Variants in TRO observed in about 807,000 individuals in gnomAD.
TRO encodes MAGE superfamily protein.
A neutral mutation model predicts 42.3 loss-of-function variants in TRO; 29 were observed. The ratio of observed to expected loss-of-function variants is 0.68; its 90% CI spans 0.51 to 0.93. TRO has a LOEUF of 0.93. Ranked by LOEUF, TRO falls within the 40% of genes least tolerant of loss-of-function variation. The pLI is 0.00. For missense variants in TRO, 963 were observed against 1,127.7 expected (o/e 0.85, Z 2.09); for synonymous variants, 384 against 425.2 (o/e 0.90, Z 1.19).
Position 54,927,796 on chromosome X carries a change from G to C in TRO, c.1878+15G>C. 8.4e-7 allele frequency: 1 copy of C among 1,189,813 alleles called. No individual in the cohort carries two copies. The highest frequency in any genetic ancestry group is 1.1e-6 in the Non-Finnish European group (1 of 878,490). The stretch of plus-strand genomic sequence containing the variant: ...TTGCATGCAGGGTAAGAGGAGAGCT[G>C]CCCGAGCTTGGCATATTAAGGCAAT... On this transcript the variant is annotated intron_variant, in intron 11 of 12. Coordinates refer to ENST00000173898, the MANE Select transcript of TRO (RefSeq NM_001039705.3).
Position 54,928,671 on chromosome X carries a change from T to C in TRO, c.1947T>C (p.Ala649=), listed in dbSNP as rs1405386949. The change falls in exon 12 of 13, where the codon GCT becomes GCC. Residue 649 remains alanine (A), a synonymous_variant. Transcript: ENST00000173898. ...AGGCAGTGGAGATGGAAGTCCAAGC[T>C]GCAGCTGTGGCTGTGGCTGAGGCTG... The part of the protein sequence containing the change: ...YREAVEMEVQ[A]AAVAVAEAEA... 1 of 1,202,826 alleles carries C rather than the reference T, an allele frequency of 8.3e-7. No individual in the cohort carries two copies. The highest frequency in any genetic ancestry group is 1.1e-6 in the Non-Finnish European group (1 of 891,050).
intron 2 of TRO, 41 bp from the exon 3 acceptor site, chrX:54,922,537 G>A: frequency 8.7e-7 from 1 of 1,149,318 alleles, no homozygotes; most frequent in Non-Finnish European, 1.2e-6. Flanking sequence ...GGGCTTTAGC[G>A]AGGCCAAATG....
intron 9 of TRO, 22 bp from the exon 10 acceptor site, chrX:54,927,021 G>A: frequency 2.5e-6 from 3 of 1,210,480 alleles, no homozygotes; most frequent in Non-Finnish European, 3.4e-6. Context: ...CTGTGTTCAT[G>A]GGTTATTTTT....
chrX:54,924,744 A>G lies in TRO; in HGVS notation c.1405+11A>G, dbSNP rs750787642. ...CCATCAAACGCTCAGGTAGTGTCCT[A>G]CCAACCCTCCTCCTTGAGCTCTCCT... is the stretch of plus-strand genomic sequence containing the variant. On this transcript the variant is annotated intron_variant, in intron 5 of 12. Coordinates refer to ENST00000173898, the MANE Select transcript of TRO (RefSeq NM_001039705.3). 2.5e-6 allele frequency: 3 copies of G among 1,206,692 alleles called. No individual in the cohort carries two copies. Among genetic ancestry groups the G allele is most frequent in the Admixed American group, 4.4e-5 (2 of 45,784 alleles).
At position 54,922,576 on chromosome X, in the gene TRO, A is replaced by T. The variant is rs774092110; in HGVS notation, c.46-2A>T. Reference sequence around the variant, plus strand: ...CAGAGGATGGTAATCCTAAGTGTGTAGGGCCCTCTGCCTCCCCCGGGGAGC... The same window carrying T: ...CAGAGGATGGTAATCCTAAGTGTGTTGGGCCCTCTGCCTCCCCCGGGGAGC... On this transcript the variant is annotated splice_acceptor_variant, in intron 2 of 12. Transcript: ENST00000173898. LOFTEE classifies it high-confidence loss of function. 1 of 1,204,991 alleles carries T rather than the reference A, an allele frequency of 8.3e-7. No individual in the cohort carries two copies. Among genetic ancestry groups the T allele is most frequent in the East Asian group, 3.0e-5 (1 of 33,767 alleles).
rs1406485161 is a variant in TRO, at chrX:54,923,536, T to C, written c.1004T>C (p.Leu335Pro). The C allele has an allele frequency of 8.4e-7, 1 of 1,189,229 alleles. No homozygotes were observed. The highest frequency in any genetic ancestry group is 2.3e-5 in the Admixed American group (1 of 42,655). The change falls in exon 3 of 13, where the codon CTG (leucine) becomes CCG (proline). Residue 335 changes from leucine (L) to proline (P), a missense_variant. Around this residue, in one of 2 missense-constraint regions of TRO, gnomAD observed 322 missense variants for 316.5 expected, o/e 1.02. Coordinates refer to ENST00000173898, the MANE Select transcript of TRO (RefSeq NM_001039705.3). ...ACAAACCAAGCCCTGGCAGCCACCC[T>C]GCGGGTCAAGAGAGGGTCTAGGGCT... ...IVTNQALAAT[L>P]RVKRGSRARK... is the part of the protein sequence containing the mutation.
chrX:54,929,712 T>C lies in TRO; in HGVS notation c.2988T>C (p.Ser996=). 8.3e-7 allele frequency: 1 copy of C among 1,210,505 alleles called. No homozygotes were observed. The highest frequency in any genetic ancestry group is 1.1e-6 in the Non-Finnish European group (1 of 895,057). Residue 996 remains serine, a synonymous_variant, in exon 12 of 13, where the codon AGT becomes AGC. Coordinates refer to ENST00000173898, the MANE Select transcript of TRO (RefSeq NM_001039705.3). The part of the protein sequence containing the change: ...STGFGGAMST[S]ADFGGTLSTS... ...GTTTTGGTGGTGCTATGAGCACCAG[T>C]GCTGACTTTGGCGGTACACTAAGCA...
chrX:54,929,473 A>G lies in TRO; in HGVS notation c.2749A>G (p.Ile917Val), dbSNP rs763148729. The G allele has an allele frequency of 6.6e-6, 8 of 1,209,108 alleles. No homozygotes were observed. The highest frequency in any genetic ancestry group is 2.2e-5 in the Admixed American group (1 of 45,820). The change falls in exon 12 of 13, where the codon ATC becomes GTC. Residue 917 changes from isoleucine to valine, a missense_variant. Ile to Val is a conservative substitution (Grantham distance 29). Transcript: ENST00000173898. ...GSFGGTLSTS[I>V]CFGGSPCTST... ...CTTTGGTGGTACACTCAGTACCAGT[A>G]TCTGCTTCGGTGGCTCTCCCTGCAC...
In TRO at chrX:54,920,859, T is replaced by G. The variant is rs998930132; in HGVS notation, c.-64T>G. 5 of 109,823 alleles carry G rather than the reference T, an allele frequency of 4.6e-5. No homozygotes were observed. Among genetic ancestry groups the G allele is most frequent in the African/African-American group, 1.0e-4 (3 of 30,119 alleles). 9.1% of individuals were successfully genotyped at this position (109,823 alleles called of 1,213,427 possible). A position where few individuals can be genotyped will look rare whatever the true frequency, so the allele number is the denominator to read the frequency against. On this transcript the variant is annotated 5_prime_UTR_variant, in exon 1 of 13. Coordinates refer to ENST00000173898, the MANE Select transcript of TRO (RefSeq NM_001039705.3). ...AGAGGCTTGGAGAGAGCAGACGCCT[T>G]CTGGATTCAAGAAGACGAGGTGAGC...
intron 1 of TRO, 117 bp from the exon 2 acceptor site, chrX:54,922,086 A>T: frequency 2.0e-6 from 1 of 507,901 alleles, no homozygotes; most frequent in Non-Finnish European, 3.1e-6. Context: ...TGGGTTTTTT[A>T]GGTATGAAAA....
Position 54,929,887 on chromosome X carries a change from A to G in TRO, c.3163A>G (p.Thr1055Ala), listed in dbSNP as rs1299576353. ...TSVCFGGSPS[T>A]SAGFGGALNT... ...CGTCTGTTTTGGTGGCTCTCCCAGC[A>G]CCAGTGCTGGCTTTGGTGGTGCACT... The change falls in exon 12 of 13, where the codon ACC (threonine) becomes GCC (alanine). Residue 1055 changes from threonine to alanine, a missense_variant. This residue lies in a region of TRO where 641 missense variants were observed against 811.3 expected (regional missense o/e 0.79). Coordinates refer to ENST00000173898, the MANE Select transcript of TRO (RefSeq NM_001039705.3). 2 of 1,210,443 alleles carry G rather than the reference A, an allele frequency of 1.7e-6. No individual in the cohort carries two copies. The highest frequency in any genetic ancestry group is 2.2e-6 in the Non-Finnish European group (2 of 895,175).
At chrX:54,922,544 A>G (rs1602129263) in intron 2 of TRO, 34 bp from the exon 3 acceptor site, 1 of 1,164,103 alleles carries the variant, frequency 8.6e-7, no homozygotes, top group Non-Finnish European at 1.2e-6. Flanking sequence ...AGCGAGGCCA[A>G]ATGGCCCAGA....
chrX:54,927,775 A>C lies in TRO; in HGVS notation c.1872A>C (p.Ala624=). Residue 624 remains alanine (A), a synonymous_variant, in exon 11 of 13, where the codon GCA becomes GCC. Transcript: ENST00000173898. ...ETSKMKVLKF[A]CRVQKKDPKD... Reference sequence around the variant, plus strand: ...GCAAGATGAAAGTCCTCAAGTTTGCATGCAGGGTAAGAGGAGAGCTGCCCG... The same window carrying C: ...GCAAGATGAAAGTCCTCAAGTTTGCCTGCAGGGTAAGAGGAGAGCTGCCCG... 8.3e-7 allele frequency: 1 copy of C among 1,208,773 alleles called. No individual in the cohort carries two copies. Among genetic ancestry groups the C allele is most frequent in the Non-Finnish European group, 1.1e-6 (1 of 893,378 alleles).
At position 54,929,805 on chromosome X, in the gene TRO, T is replaced by A. The variant is rs1369310743; in HGVS notation, c.3081T>A (p.Ala1027=). 6 of 1,206,281 alleles carry A rather than the reference T, an allele frequency of 5.0e-6. No individual in the cohort carries two copies. The East Asian group carries it at 1.2e-4, about 24-fold the overall frequency. Residue 1027 remains alanine, a synonymous_variant, in exon 12 of 13, where the codon GCT becomes GCA. Transcript: ENST00000173898. ...TTGGCAGTGCACTCAACACCAATGCTGGTTATGGTGGTGCTGTCAGCACCA... is the reference window on the plus strand; with the variant it reads ...TTGGCAGTGCACTCAACACCAATGCAGGTTATGGTGGTGCTGTCAGCACCA... ...VSFGSALNTN[A]GYGGAVSTNT...
chrX:54,923,876 G>A (rs1932440964), intron 3 of TRO, 108 bp downstream of exon 3: 2 of 818,801 alleles, frequency 2.4e-6, no homozygotes, highest in Non-Finnish European at 3.4e-6. Context: ...TAGTCCCTGT[G>A]TTCAGATAGG....
Position 54,922,738 on chromosome X carries a change from G to A in TRO, c.206G>A (p.Ser69Asn), listed in dbSNP as rs1280874524. The change falls in exon 3 of 13, where the codon AGC becomes AAC. Residue 69 changes from serine (S) to asparagine (N), a missense_variant. Physicochemically the swap from Ser to Asn is conservative, Grantham distance 46 (BLOSUM62 1). Transcript: ENST00000173898. Reference sequence around the variant, plus strand: ...CCAGTTGTCAACCGGCCTAAGAAAAGCAAGACCAAGAAGGCCCCTATAAAG... The same window carrying A: ...CCAGTTGTCAACCGGCCTAAGAAAAACAAGACCAAGAAGGCCCCTATAAAG... The part of the protein sequence containing the change: ...DPPVVNRPKK[S>N]KTKKAPIKTI... 1.0e-5 allele frequency: 12 copies of A among 1,205,532 alleles called. No homozygotes were observed. The highest frequency in any genetic ancestry group is 2.2e-5 in the Admixed American group (1 of 45,205).
In TRO at chrX:54,929,730, A is replaced by C. The variant is rs368161199; in HGVS notation, c.3006A>C (p.Thr1002=). Reference sequence around the variant, plus strand: ...GCACCAGTGCTGACTTTGGCGGTACACTAAGCACCAGTGTCTGCTTTGGTG... The same window carrying C: ...GCACCAGTGCTGACTTTGGCGGTACCCTAAGCACCAGTGTCTGCTTTGGTG... ...AMSTSADFGG[T]LSTSVCFGGS... Residue 1002 remains threonine (T), a synonymous_variant, in exon 12 of 13, where the codon ACA becomes ACC. Transcript: ENST00000173898. The C allele has an allele frequency of 1.4e-4, 169 of 1,209,959 alleles. 1 individual carries two copies. The Admixed American group carries it at 3.6e-3, about 26-fold the overall frequency.
At chrX:54,921,868 C>G (rs750599628) in intron 1 of TRO, 72 of 152,505 alleles carry the variant, frequency 4.7e-4, no homozygotes, top group Non-Finnish European at 2.5e-4. Flanking sequence ...TGGTTAGAAA[C>G]TGTCCGGTTT....
At position 54,931,371 on chromosome X, in the gene TRO, G is replaced by T; in HGVS notation, c.*179G>T. 1.7e-6 allele frequency: 2 copies of T among 1,190,240 alleles called. No individual in the cohort carries two copies. Among genetic ancestry groups the T allele is most frequent in the Non-Finnish European group, 2.3e-6 (2 of 878,339 alleles). On this transcript the variant is annotated 3_prime_UTR_variant, in exon 13 of 13. Coordinates refer to ENST00000173898, the MANE Select transcript of TRO (RefSeq NM_001039705.3). ...ATCTGTTTGCTGTTCCTGCTTTATT[G>T]TTTGCTTTCTGTGTGCTGTCATATT...
Sources: allele counts gnomAD v4.1 joint callset, GRCh38; gene constraint gnomAD v4.1.1; regional missense constraint gnomAD v4.1.1; transcripts MANE v1.5; gene names NCBI Gene and HGNC (gene_info 2026-07-23, HGNC 2026-07-21).